Variants in SOX5 observed in about 807,000 individuals in gnomAD.
SOX5 encodes SRY-box transcription factor 5, also known as transcription factor SOX-5.
A neutral mutation model predicts 92.0 loss-of-function variants in SOX5; 9 were observed. The observed-to-expected ratio is 0.10, with a 90% CI of 0.06 to 0.17. The LOEUF (loss-of-function observed/expected upper bound fraction) is 0.17. Ranked by LOEUF, SOX5 falls within the 10% of genes least tolerant of loss-of-function variation. The probability of loss-of-function intolerance (pLI) is 1.00; values close to 1 mark genes in which losing one functional copy is unlikely to be tolerated. For missense variants in SOX5, 642 were observed against 944.5 expected (o/e 0.68, Z 4.20); for synonymous variants, 344 against 336.3 (o/e 1.02, Z -0.25).
intron 2 of SOX5, among the ~76,000 whole-genome samples, chr12:23,888,992 C>T (rs1052373126): frequency 1.3e-5 from 2 of 152,056 alleles, no homozygotes; most frequent in Non-Finnish European, 2.9e-5. Context: ...ATTATACTGC[C>T]TACTATCATA....
At chr12:24,418,686 C>G (rs975255082) in intron 1 of SOX5, among the ~76,000 whole-genome samples, 1 of 152,212 alleles carries the variant, frequency 6.6e-6, no homozygotes. Context: ...TCTTTAATGT[C>G]TGGTTATGTG....
intron 3 of SOX5, among the ~76,000 whole-genome samples, chr12:23,766,168 G>T (rs1438589903): frequency 6.6e-6 from 1 of 152,100 alleles, no homozygotes; most frequent in Non-Finnish European, 1.5e-5. Flanking sequence ...TAATCTTCTG[G>T]TCATCAGTTA....
chr12:23,891,263 A>G (rs2137518722), intron 2 of SOX5, among the ~76,000 whole-genome samples: 1 of 152,298 alleles, frequency 6.6e-6, no homozygotes, highest in South Asian at 2.1e-4. Flanking sequence ...GGCAATAAAC[A>G]CAATTTCAGA....
At chr12:24,524,765 G>C (rs1482317180) in intron 1 of SOX5, among the ~76,000 whole-genome samples, 4 of 152,200 alleles carry the variant, frequency 2.6e-5, no homozygotes, top group Admixed American at 2.6e-4. Flanking sequence ...CATCATGCCT[G>C]TAAACCCTTG....
intron 1 of SOX5, among the ~76,000 whole-genome samples, chr12:24,370,196 C>T (rs1446316355): frequency 2.6e-5 from 4 of 152,166 alleles, no homozygotes; most frequent in South Asian, 2.1e-4. Flanking sequence ...GGTTTTTGGC[C>T]GTGCGCGGTG....
intron 4 of SOX5, among the ~76,000 whole-genome samples, chr12:24,033,382 G>A (rs1380750851): frequency 2.0e-5 from 3 of 151,846 alleles, no homozygotes; most frequent in Non-Finnish European, 4.4e-5. Context: ...ACTTTAAAAA[G>A]TGCTCTGAAA....
At chr12:24,560,625 G>T (rs535216488) in intron 1 of SOX5, among the ~76,000 whole-genome samples, 2 of 152,144 alleles carry the variant, frequency 1.3e-5, no homozygotes, top group Non-Finnish European at 2.9e-5. Context: ...TGAGCTAACA[G>T]CAATTCTCAT....
At chr12:24,164,081 A>G (rs16927279) in intron 4 of SOX5, among the ~76,000 whole-genome samples, 16,804 of 152,114 alleles carry the variant, frequency 0.11, 1,316 homozygotes, top group East Asian at 0.41. Context: ...TCCTCTACTT[A>G]TGGTCTCAGA....
At chr12:24,258,035 C>T (rs1332786890) in intron 3 of SOX5, among the ~76,000 whole-genome samples, 7 of 152,016 alleles carry the variant, frequency 4.6e-5, no homozygotes, top group Middle Eastern at 3.4e-3. Context: ...TAGCTGGGCG[C>T]GGTGGCGGGC....
At chr12:23,553,702 G>A (rs932574402) in intron 11 of SOX5, among the ~76,000 whole-genome samples, 2 of 152,018 alleles carry the variant, frequency 1.3e-5, no homozygotes, top group Non-Finnish European at 2.9e-5. Flanking sequence ...AAATCAGGAG[G>A]CCAACTAAGA....
intron 2 of SOX5, among the ~76,000 whole-genome samples, chr12:24,332,107 A>G (rs1231796464): frequency 6.6e-6 from 1 of 152,148 alleles, no homozygotes. Flanking sequence ...AGTACTTCTT[A>G]GAACACAAGA....
intron 6 of SOX5, among the ~76,000 whole-genome samples, chr12:23,707,339 C>G (rs115854704): frequency 6.6e-6 from 1 of 152,122 alleles, no homozygotes; most frequent in Non-Finnish European, 1.5e-5. Context: ...TTTAAGAGTA[C>G]TTCTAAATCA....
intron 3 of SOX5, among the ~76,000 whole-genome samples, chr12:24,237,456 G>A (rs1964731011): frequency 6.6e-6 from 1 of 152,110 alleles, no homozygotes; most frequent in Admixed American, 6.5e-5. Context: ...TAGATTATTG[G>A]ATACTAATAA....
At chr12:24,223,987 A>T (rs1961215232) in intron 3 of SOX5, among the ~76,000 whole-genome samples, 1 of 152,208 alleles carries the variant, frequency 6.6e-6, no homozygotes, top group Non-Finnish European at 1.5e-5. Flanking sequence ...AGCGTTATGC[A>T]AAGGTGGTCG....
At chr12:24,007,004 A>G (rs1376981844) in intron 4 of SOX5, among the ~76,000 whole-genome samples, 3 of 150,802 alleles carry the variant, frequency 2.0e-5, no homozygotes, top group African/African-American at 7.3e-5. Context: ...ATGATGACGC[A>G]TGTCTGTAAT....
chr12:24,339,974 G>T (rs1384544099), intron 2 of SOX5, among the ~76,000 whole-genome samples: 2 of 152,196 alleles, frequency 1.3e-5, no homozygotes, highest in East Asian at 1.9e-4. Context: ...CATGGGGCAG[G>T]GTGCTAGCAT....
At chr12:24,415,362 T>G (rs1964846040) in intron 1 of SOX5, among the ~76,000 whole-genome samples, 1 of 152,154 alleles carries the variant, frequency 6.6e-6, no homozygotes, top group South Asian at 2.1e-4. Context: ...CACTGTGGAG[T>G]GAATGTAAAC....
At chr12:24,445,519 A>C (rs536801215) in intron 1 of SOX5, among the ~76,000 whole-genome samples, 1 of 152,362 alleles carries the variant, frequency 6.6e-6, no homozygotes, top group African/African-American at 2.4e-5. Flanking sequence ...AGAATAGGTT[A>C]AACAGGTAAC....
At chr12:23,535,659 C>T (rs970676050) in intron 14 of SOX5, among the ~76,000 whole-genome samples, 8 of 152,092 alleles carry the variant, frequency 5.3e-5, no homozygotes, top group African/African-American at 1.9e-4. Context: ...AATCACAGAC[C>T]ACTGGACAGA....
Sources: allele counts gnomAD v4.1 joint callset (sites outside exome capture counted in the v4.1 genomes callset), GRCh38; gene constraint gnomAD v4.1.1; transcripts MANE v1.5; gene names NCBI Gene and HGNC (gene_info 2026-07-23, HGNC 2026-07-21).